The following DMPK variants were observed in gnomAD, a reference collection of about 807,000 sequenced individuals.
DMPK encodes the protein myotonin-protein kinase.
A neutral mutation model predicts 70.3 loss-of-function variants in DMPK; 32 were observed. That is an observed-to-expected ratio of 0.46 (90% CI 0.34 to 0.61). DMPK has a LOEUF of 0.61. Among genes scored for constraint, DMPK ranks in the 20% least tolerant of loss-of-function variants. The pLI is 0.01. For synonymous variants in DMPK, 469 were observed against 390.9 expected (o/e 1.20, Z -2.36); for missense variants, 899 against 886.0 (o/e 1.01, Z -0.19).
intron 8 of DMPK, among the ~76,000 whole-genome samples, chr19:45,776,346 T>C (rs74490545): frequency 2.2e-4 from 10 of 45,960 alleles, no homozygotes; most frequent in Admixed American, 7.2e-4. Context: ...GGTTTCACCG[T>C]GTTAGCCAAG....
intron 4 of DMPK, chr19:45,778,926 C>A: frequency 1.8e-6 from 1 of 564,590 alleles, no homozygotes; most frequent in Non-Finnish European, 3.2e-6. Flanking sequence ...GGCCACCCAA[C>A]ACCCAGAGAA....
chr19:45,780,334 G>A (rs1183874466), intron 1 of DMPK: 1 of 1,547,160 alleles, frequency 6.5e-7, no homozygotes, highest in African/African-American at 1.4e-5. Context: ...TCTAGATTCA[G>A]ATGCAGGTGG....
At position 45,771,776 on chromosome 19, in the gene DMPK, G is replaced by A. The variant is rs780397803; in HGVS notation, c.1497C>T (p.Phe499=). The part of the protein sequence containing the change: ...MEAIRTDNQN[F]ASQLREAEAR... ...GCCCCGGCCCCGATCCCGACCTGGCGAAGTTCTGGTTGTCCGTGCGGATGG... is the reference window on the plus strand; with the variant it reads ...GCCCCGGCCCCGATCCCGACCTGGCAAAGTTCTGGTTGTCCGTGCGGATGG... Residue 499 remains phenylalanine (F), a synonymous_variant, in exon 11 of 15, where the codon TTC becomes TTT. Transcript: ENST00000291270. The A allele has an allele frequency of 1.1e-4, 181 of 1,574,758 alleles. No homozygotes were observed. In the East Asian group the frequency reaches 4.1e-3, roughly 36 times the overall value.
chr19:45,772,876 C>A, intron 9 of DMPK, 124 bp from the exon 10 acceptor site: 1 of 524,266 alleles, frequency 1.9e-6, no homozygotes, highest in Non-Finnish European at 3.2e-6. Flanking sequence ...GGAAGGGGAG[C>A]AGCAGAGCGA....
At position 45,777,323 on chromosome 19, in the gene DMPK, C is replaced by A. The variant is rs1359976182; in HGVS notation, c.1146+4G>T. On this transcript the variant is annotated splice_donor_region_variant and intron_variant, in intron 8 of 14. Transcript: ENST00000291270. The surrounding 1 kb of genome is among the most constrained non-coding windows in gnomAD (Gnocchi z 6.7). ...GCAGCCGAGCAGGGGCCACAGGTAC[C>A]TACCCCGCCCCCGCTCACCATGGCA... 3.2e-6 allele frequency: 5 copies of A among 1,559,728 alleles called. No homozygotes were observed. The highest frequency in any genetic ancestry group is 4.3e-6 in the Non-Finnish European group (5 of 1,150,898).
In DMPK at chr19:45,772,732, G is replaced by A. The variant is rs1355072180; in HGVS notation, c.1253C>T (p.Pro418Leu). Residue 418 changes from proline (P) to leucine (L), a missense_variant, in exon 10 of 15, where the codon CCC becomes CTC. Physicochemically the swap from Pro to Leu is moderately conservative, Grantham distance 98. This residue lies in a region of DMPK where 555 missense variants were observed against 483.8 expected (regional missense o/e 1.15). Coordinates refer to ENST00000291270, the MANE Select transcript of DMPK (RefSeq NM_004409.5). ...MALRDSEVPG[P>L]TPMELEAEQL... Reference sequence around the variant, plus strand: ...CTCGGCCTCCAGTTCCATGGGTGTGGGGCCTGGGACCTCACTGTCCCTGGG... The same window carrying A: ...CTCGGCCTCCAGTTCCATGGGTGTGAGGCCTGGGACCTCACTGTCCCTGGG... The A allele has an allele frequency of 3.3e-6, 5 of 1,508,128 alleles. No homozygotes were observed. Among genetic ancestry groups the A allele is most frequent in the Non-Finnish European group, 4.4e-6 (5 of 1,140,114 alleles). The allele number at this position is 1,508,128 out of a possible 1,614,324, so 93.4% of individuals were successfully genotyped here.
intron 8 of DMPK, among the ~76,000 whole-genome samples, chr19:45,776,134 A>ATTTTT (rs534946812): frequency 4.1e-5 from 2 of 48,370 alleles, no homozygotes; most frequent in Non-Finnish European, 7.6e-5. Flanking sequence ...GGTCCAGCCT[A>ATTTTT]TTTTTTTTTT....
rs752125836 is a variant in DMPK at position 45,782,395 on chromosome 19, C to T, written c.-43G>A. On this transcript the variant is annotated 5_prime_UTR_variant, in exon 1 of 15. Transcript: ENST00000291270. ...ATGGCCCCTCCCCGGGCCGGGGGCT[C>T]GGGGTCCTCCTGTCACAGGGCCTGG... The T allele has an allele frequency of 2.8e-5, 42 of 1,502,944 alleles. No homozygotes were observed. The highest frequency in any genetic ancestry group is 3.6e-5 in the Non-Finnish European group (40 of 1,126,070). 93.1% of individuals were successfully genotyped at this position (1,502,944 alleles called of 1,614,324 possible).
intron 1 of DMPK, 122 bp from the exon 2 acceptor site, chr19:45,779,991 GTC>G (rs779781291): frequency 1.3e-6 from 2 of 1,563,302 alleles, no homozygotes; most frequent in Non-Finnish European, 1.7e-6. Flanking sequence ...CCCTAGGACT[GTC>G]TGCTTCCCAG....
At position 45,771,844 on chromosome 19, in the gene DMPK, C is replaced by G; in HGVS notation, c.1429G>C (p.Glu477Gln). The part of the protein sequence containing the change: ...TLRELQEALE[E>Q]EVLTRQSLSR... ...AGGCTCTGCCGGGTGAGCACCTCCTCCTCCAGGGCTTCCTGGAGCTCCCGC... is the reference window on the plus strand; with the variant it reads ...AGGCTCTGCCGGGTGAGCACCTCCTGCTCCAGGGCTTCCTGGAGCTCCCGC... Residue 477 changes from glutamate to glutamine, a missense_variant, in exon 11 of 15, where the codon GAG becomes CAG. Coordinates refer to ENST00000291270, the MANE Select transcript of DMPK (RefSeq NM_004409.5). 6.3e-7 allele frequency: 1 copy of G among 1,576,612 alleles called. No individual in the cohort carries two copies. The highest frequency in any genetic ancestry group is 8.6e-7 in the Non-Finnish European group (1 of 1,161,396).
chr19:45,777,784 G>A lies in DMPK; in HGVS notation c.765C>T (p.Tyr255=), dbSNP rs147641100. Residue 255 remains tyrosine, a synonymous_variant, in exon 7 of 15, where the codon TAC becomes TAT. Transcript: ENST00000291270. This position sits in a 1 kb window ranked among gnomAD's most constrained non-coding sequence, Gnocchi z 6.7. ...AVGGGPGTGS[Y]GPECDWWALG... is the part of the protein sequence containing the mutation. ...GCGCCCACCAGTCACACTCGGGCCC[G>A]TAGCTGCCTGTCCCAGGCCCACCGC... is the stretch of plus-strand genomic sequence containing the variant. 1.5e-5 allele frequency: 24 copies of A among 1,612,804 alleles called. No homozygotes were observed. In the African/African-American group the frequency reaches 1.9e-4, roughly 13 times the overall value.
intron 11 of DMPK, 46 bp from the exon 12 acceptor site, chr19:45,771,711 G>A (rs758679761): frequency 3.7e-6 from 6 of 1,609,964 alleles, no homozygotes; most frequent in Non-Finnish European, 5.1e-6. Flanking sequence ...CGGACGAGAG[G>A]GGATGCCAAG....
Position 45,779,442 on chromosome 19 carries a change from G to T in DMPK, c.333C>A (p.Gly111=). Residue 111 remains glycine, a synonymous_variant, in exon 3 of 15, where the codon GGC becomes GGA. Coordinates refer to ENST00000291270, the MANE Select transcript of DMPK (RefSeq NM_004409.5). The part of the protein sequence containing the change: ...IMNKWDMLKR[G]EVSCFREERD... ...CCACGTCCGCCCAGCCCCTCACCTC[G>T]CCCCTCTTCAGCATGTCCCACTTGT... The T allele has an allele frequency of 6.2e-7, 1 of 1,613,736 alleles. No homozygotes were observed. Among genetic ancestry groups the T allele is most frequent in the Non-Finnish European group, 8.5e-7 (1 of 1,179,972 alleles).
At chr19:45,776,492 C>T (rs977740885) in intron 8 of DMPK, among the ~76,000 whole-genome samples, 1 of 151,958 alleles carries the variant, frequency 6.6e-6, no homozygotes, top group Non-Finnish European at 1.5e-5. Context: ...GAGACAGAGT[C>T]TCTCTCCGTT....
At position 45,777,734 on chromosome 19, in the gene DMPK, A is replaced by C; in HGVS notation, c.815T>G (p.Phe272Cys). 1 of 1,613,804 alleles carries C rather than the reference A, an allele frequency of 6.2e-7. No homozygotes were observed. The highest frequency in any genetic ancestry group is 8.5e-7 in the Non-Finnish European group (1 of 1,180,014). Residue 272 changes from phenylalanine to cysteine, a missense_variant, in exon 7 of 15, where the codon TTC becomes TGC. By Grantham distance (205) the Phe-to-Cys change is radical (BLOSUM62 -2). Around this residue, in one of 3 missense-constraint regions of DMPK, gnomAD observed 195 missense variants for 259.7 expected, o/e 0.75. Coordinates refer to ENST00000291270, the MANE Select transcript of DMPK (RefSeq NM_004409.5). This position sits in a 1 kb window ranked among gnomAD's most constrained non-coding sequence, Gnocchi z 6.7. ...WALGVFAYEM[F>C]YGQTPFYADS... The stretch of plus-strand genomic sequence containing the variant: ...CGCGTAGAAGGGCGTCTGCCCATAG[A>C]ACATTTCATAGGCGAATACACCCAG...
rs374847549 is a variant in DMPK, at chr19:45,778,483, C to A, written c.581+10G>T. On this transcript the variant is annotated intron_variant, in intron 5 of 14. Transcript: ENST00000291270. The stretch of plus-strand genomic sequence containing the variant: ...CAAGCTTGCTATCCCCTCGGCCATG[C>A]TGCACCCACCTGTGCACGTAGCCAA... 1.2e-6 allele frequency: 2 copies of A among 1,612,522 alleles called. No homozygotes were observed. Among genetic ancestry groups the A allele is most frequent in the Non-Finnish European group, 1.7e-6 (2 of 1,179,272 alleles).
chr19:45,770,704 C>T (rs1202591651), intron 14 of DMPK, 64 bp from the exon 15 acceptor site: 4 of 1,512,784 alleles, frequency 2.6e-6, no homozygotes, highest in Non-Finnish European at 3.6e-6. Flanking sequence ...GGACTCGCCC[C>T]GCCTACGCCC....
In DMPK at chr19:45,779,810, G is replaced by A; in HGVS notation, c.220C>T (p.Leu74=). 1 of 1,580,644 alleles carries A rather than the reference G, an allele frequency of 6.3e-7. No homozygotes were observed. Among genetic ancestry groups the A allele is most frequent in the Non-Finnish European group, 8.6e-7 (1 of 1,161,436 alleles). ...VRLQRDDFEI[L]KVIGRGAFSE... is the part of the protein sequence containing the mutation. ...AACGCCCCGCGTCCGATCACCTTCA[G>A]AATCTCGAAGTCGTCCCTCTGCAGT... Residue 74 remains leucine (L), a synonymous_variant, in exon 2 of 15, where the codon CTG becomes TTG. Coordinates refer to ENST00000291270, the MANE Select transcript of DMPK (RefSeq NM_004409.5).
rs750810488 is a variant in DMPK at position 45,771,768 on chromosome 19, G to A, written c.1502+3C>T. 3.2e-6 allele frequency: 5 copies of A among 1,578,124 alleles called. No individual in the cohort carries two copies. In the South Asian group the frequency reaches 5.7e-5, roughly 18 times the overall value. ...CGGCCCCGGCCCCGGCCCCGATCCC[G>A]ACCTGGCGAAGTTCTGGTTGTCCGT... On this transcript the variant is annotated splice_donor_region_variant and intron_variant, in intron 11 of 14. Coordinates refer to ENST00000291270, the MANE Select transcript of DMPK (RefSeq NM_004409.5).
Sources: allele counts gnomAD v4.1 joint callset (sites outside exome capture counted in the v4.1 genomes callset), GRCh38; gene constraint gnomAD v4.1.1; regional missense constraint gnomAD v4.1.1; non-coding constraint Gnocchi (gnomAD v3.1); transcripts MANE v1.5; gene names NCBI Gene and HGNC (gene_info 2026-07-23, HGNC 2026-07-21).